NBEA: variants seen among roughly 807,000 people sequenced by gnomAD.
NBEA encodes neurobeachin, also known as lysosomal-trafficking regulator 2.
In NBEA, 44 loss-of-function variants were observed where a neutral mutation model predicts 343.4. The ratio of observed to expected loss-of-function variants is 0.13; its 90% confidence interval spans 0.10 to 0.16. NBEA has a LOEUF of 0.16. NBEA is among the 10% of genes least tolerant of loss of function. The pLI, the probability that NBEA is intolerant of heterozygous loss-of-function variation, is 1.00. For missense variants in NBEA, 2,555 were observed against 3,631.3 expected (o/e 0.70, Z 7.62); for synonymous variants, 1,175 against 1,238.7 (o/e 0.95, Z 1.08).
intron 38 of NBEA, among the ~76,000 whole-genome samples, chr13:35,418,416 A>T (rs186458345): frequency 1.3e-5 from 2 of 152,200 alleles, no homozygotes; most frequent in East Asian, 1.9e-4. Context: ...AAACAGAAGA[A>T]ACTATGTGCT....
At chr13:35,170,679 G>A (rs1435021048) in intron 25 of NBEA, among the ~76,000 whole-genome samples, 12 of 151,628 alleles carry the variant, frequency 7.9e-5, no homozygotes, top group Admixed American at 4.0e-4. Context: ...ATGAGTTAGC[G>A]ATCTTGATTA....
At chr13:35,292,563 A>C (rs1326537051) in intron 35 of NBEA, among the ~76,000 whole-genome samples, 2 of 152,076 alleles carry the variant, frequency 1.3e-5, no homozygotes, top group South Asian at 4.1e-4. Flanking sequence ...AATCCTGATG[A>C]ATCTTGAAAG....
chr13:35,055,258 A>C (rs1025278905), intron 6 of NBEA, among the ~76,000 whole-genome samples: 1 of 152,130 alleles, frequency 6.6e-6, no homozygotes, highest in African/African-American at 2.4e-5. Context: ...ATTTTAGGCT[A>C]TTAACTCTCA....
chr13:35,630,369 GAAATGTAAAATTTA>G (rs1820454484), intron 49 of NBEA, among the ~76,000 whole-genome samples: 1 of 152,070 alleles, frequency 6.6e-6, no homozygotes, highest in South Asian at 2.1e-4. Flanking sequence ...ACATTACATA[GAAATGTAAAATTTA>G]AAATGTAAAA....
intron 38 of NBEA, among the ~76,000 whole-genome samples, chr13:35,415,178 T>C (rs1250562354): frequency 6.6e-6 from 1 of 152,214 alleles, no homozygotes; most frequent in Admixed American, 6.5e-5. Context: ...TCCCATTCTG[T>C]AGGTTGCCTG....
At chr13:35,333,712 T>A (rs2039072293) in intron 36 of NBEA, among the ~76,000 whole-genome samples, 1 of 152,130 alleles carries the variant, frequency 6.6e-6, no homozygotes, top group Admixed American at 6.6e-5. Flanking sequence ...TTCCAACCTC[T>A]TGTAACCATC....
intron 17 of NBEA, among the ~76,000 whole-genome samples, chr13:35,133,786 G>C (rs2067561090): frequency 6.6e-6 from 1 of 151,918 alleles, no homozygotes; most frequent in Admixed American, 6.6e-5. Flanking sequence ...CTAATTAAAA[G>C]TATAAAGACG....
chr13:34,964,488 A>G (rs931109383), intron 1 of NBEA, among the ~76,000 whole-genome samples: 1 of 151,944 alleles, frequency 6.6e-6, no homozygotes. Context: ...CTGGAATTTA[A>G]TTATTCTTAT....
At chr13:34,986,045 C>T (rs935632582) in intron 1 of NBEA, among the ~76,000 whole-genome samples, 1 of 150,478 alleles carries the variant, frequency 6.6e-6, no homozygotes, top group African/African-American at 2.4e-5. Flanking sequence ...TTCAGTTCTG[C>T]TCTGATCTTA....
intron 11 of NBEA, among the ~76,000 whole-genome samples, chr13:35,106,344 C>T (rs2065916414): frequency 6.6e-6 from 1 of 151,832 alleles, no homozygotes; most frequent in South Asian, 2.1e-4. Context: ...CATTTAAAAG[C>T]AGAGTCAGAG....
intron 41 of NBEA, among the ~76,000 whole-genome samples, chr13:35,519,703 A>G (rs2077624268): frequency 6.6e-6 from 1 of 152,200 alleles, no homozygotes; most frequent in South Asian, 2.1e-4. Flanking sequence ...ATTTTGATAC[A>G]TGTATACAAT....
intron 1 of NBEA, among the ~76,000 whole-genome samples, chr13:35,008,468 G>A (rs571031626): frequency 7.2e-4 from 110 of 152,168 alleles, no homozygotes; most frequent in East Asian, 5.8e-4. Flanking sequence ...TGTTGTTTAC[G>A]AAATAGTGAC....
intron 34 of NBEA, among the ~76,000 whole-genome samples, chr13:35,285,251 A>C (rs1207557248): frequency 6.6e-6 from 1 of 152,094 alleles, no homozygotes; most frequent in Non-Finnish European, 1.5e-5. Flanking sequence ...AAAGTTGGCA[A>C]AACCCTGTCT....
intron 1 of NBEA, among the ~76,000 whole-genome samples, chr13:35,038,254 C>T (rs1228308998): frequency 6.6e-6 from 1 of 151,982 alleles, no homozygotes; most frequent in Non-Finnish European, 1.5e-5. Context: ...TGGACTCAAC[C>T]ATCAGGGCAG....
intron 36 of NBEA, among the ~76,000 whole-genome samples, chr13:35,335,407 G>A (rs1594259042): frequency 1.3e-5 from 2 of 152,232 alleles, no homozygotes; most frequent in South Asian, 4.1e-4. Flanking sequence ...GATGGGGACT[G>A]CATTGAATCT....
chr13:35,637,037 C>G (rs942711017), intron 49 of NBEA, among the ~76,000 whole-genome samples: 3 of 152,122 alleles, frequency 2.0e-5, no homozygotes, highest in Admixed American at 2.0e-4. Context: ...TTTTTTTGGT[C>G]ATTCCTACCC....
At chr13:34,979,408 T>A (rs1364800704) in intron 1 of NBEA, among the ~76,000 whole-genome samples, 2 of 152,036 alleles carry the variant, frequency 1.3e-5, no homozygotes, top group Non-Finnish European at 2.9e-5. Context: ...TAATCCCAGT[T>A]GCTTGGGAGG....
chr13:35,432,636 GTTA>G (rs2045197595), intron 39 of NBEA, among the ~76,000 whole-genome samples: 1 of 151,466 alleles, frequency 6.6e-6, no homozygotes, highest in Non-Finnish European at 1.5e-5. Flanking sequence ...ACTTCACATA[GTTA>G]GTTATTAACT....
At chr13:35,135,707 G>A (rs1440195646) in intron 17 of NBEA, among the ~76,000 whole-genome samples, 2 of 151,698 alleles carry the variant, frequency 1.3e-5, no homozygotes, top group East Asian at 3.9e-4. Flanking sequence ...TTTATATCAA[G>A]GAATAAACTT....
Sources: gnomAD v4.1 joint callset for allele counts (sites outside exome capture counted in the v4.1 genomes callset) on GRCh38, gnomAD v4.1.1 for gene constraint, MANE v1.5 for transcripts, NCBI Gene and HGNC (gene_info 2026-07-23, HGNC 2026-07-21) for gene names.